NDFIP2: variants seen among roughly 807,000 people sequenced by gnomAD.
NDFIP2 encodes the protein Nedd4 family interacting protein 2.
In NDFIP2, 19 loss-of-function variants were observed where a neutral mutation model predicts 36.0. The observed-to-expected ratio is 0.53, with a 90% CI of 0.37 to 0.77. The LOEUF (loss-of-function observed/expected upper bound fraction) is 0.77. Ranked by LOEUF, NDFIP2 falls within the 30% of genes least tolerant of loss-of-function variation. The probability of loss-of-function intolerance (pLI) is 0.00; values close to 1 mark genes in which losing one functional copy is unlikely to be tolerated. For synonymous variants in NDFIP2, 181 were observed against 167.7 expected (o/e 1.08, Z -0.61); for missense variants, 446 against 435.8 (o/e 1.02, Z -0.21).
At chr13:79,492,666 A>G (rs147613783) in intron 1 of NDFIP2, among the ~76,000 whole-genome samples, 78 of 152,216 alleles carry the variant, frequency 5.1e-4, no homozygotes, top group Middle Eastern at 3.4e-3. Flanking sequence ...GATTACTGAC[A>G]TGAGCCACTG....
intron 2 of NDFIP2, among the ~76,000 whole-genome samples, chr13:79,531,021 T>TA (rs1175331471): frequency 5.9e-5 from 9 of 152,208 alleles, no homozygotes; most frequent in Admixed American, 3.9e-4. Context: ...GCAATCGTCT[T>TA]ATGAAATATA....
chr13:79,499,916 A>G (rs1036822146), intron 1 of NDFIP2, among the ~76,000 whole-genome samples: 1 of 151,996 alleles, frequency 6.6e-6, no homozygotes, highest in African/African-American at 2.4e-5. Context: ...CCAACTCAAT[A>G]TTAAAGGAGA....
intron 2 of NDFIP2, among the ~76,000 whole-genome samples, chr13:79,523,949 T>C (rs1874691069): frequency 6.6e-6 from 1 of 152,220 alleles, no homozygotes; most frequent in African/African-American, 2.4e-5. Flanking sequence ...TTTTATTAAC[T>C]CATTGAAGTA....
chr13:79,509,148 T>A (rs1873979045), intron 1 of NDFIP2, among the ~76,000 whole-genome samples: 1 of 152,196 alleles, frequency 6.6e-6, no homozygotes, highest in Admixed American at 6.5e-5. Context: ...TGACACAGCC[T>A]CAGGAGGTCC....
chr13:79,542,015 A>T (rs1875473418), intron 4 of NDFIP2, among the ~76,000 whole-genome samples: 1 of 152,206 alleles, frequency 6.6e-6, no homozygotes, highest in Admixed American at 6.5e-5. Flanking sequence ...AATGCCTCAG[A>T]TACATGCCTA....
intron 2 of NDFIP2, among the ~76,000 whole-genome samples, chr13:79,522,391 T>G (rs1198315545): frequency 1.3e-5 from 2 of 152,238 alleles, no homozygotes; most frequent in Admixed American, 1.3e-4. Context: ...ATGAGTTGTT[T>G]TCCTACTGAT....
intron 4 of NDFIP2, among the ~76,000 whole-genome samples, chr13:79,541,587 GTTTA>G (rs1875458589): frequency 6.6e-6 from 1 of 151,638 alleles, no homozygotes; most frequent in Non-Finnish European, 1.5e-5. Flanking sequence ...TAGGCCTAGA[GTTTA>G]TTTGCTTGAT....
chr13:79,485,760 C>A (rs1872956717), intron 1 of NDFIP2, among the ~76,000 whole-genome samples: 1 of 152,208 alleles, frequency 6.6e-6, no homozygotes, highest in South Asian at 2.1e-4. Flanking sequence ...ATTCCTGATA[C>A]AGTTAATAAG....
At chr13:79,533,526 A>G (rs934826062) in intron 3 of NDFIP2, 70 bp downstream of exon 3, 8 of 1,398,984 alleles carry the variant, frequency 5.7e-6, no homozygotes, top group Non-Finnish European at 7.6e-6. Context: ...TAGTAATACT[A>G]AAAACAGTTC....
At position 79,488,502 on chromosome 13, in the gene NDFIP2, G is replaced by A. The variant is rs941836725; in HGVS notation, c.321+6978G>A. Among the ~76,000 whole-genome samples the A allele has an allele frequency of 5.3e-5, 8 of 152,220 alleles. No homozygotes were observed. In the East Asian group the frequency reaches 1.4e-3, roughly 26 times the overall value. On this transcript the variant is annotated intron_variant, in intron 1 of 7. Coordinates refer to ENST00000218652, the MANE Select transcript of NDFIP2 (RefSeq NM_019080.3). Reference sequence around the variant, plus strand: ...CTAATACTGGAGTACTATATGTGTAGTGGCAAATAAATGTATTGGAATTGT... The same window carrying A: ...CTAATACTGGAGTACTATATGTGTAATGGCAAATAAATGTATTGGAATTGT...
At chr13:79,522,546 G>A (rs939946971) in intron 2 of NDFIP2, among the ~76,000 whole-genome samples, 7 of 152,182 alleles carry the variant, frequency 4.6e-5, no homozygotes, top group Non-Finnish European at 1.0e-4. Flanking sequence ...TGTTCTGGGA[G>A]TGGACTGGAC....
chr13:79,489,967 C>T (rs2140732671), intron 1 of NDFIP2, among the ~76,000 whole-genome samples: 1 of 152,252 alleles, frequency 6.6e-6, no homozygotes, highest in African/African-American at 2.4e-5. Flanking sequence ...AGTCAATCTC[C>T]CCTTTCTGTA....
chr13:79,538,373 G>A (rs1875325644), intron 3 of NDFIP2, among the ~76,000 whole-genome samples: 1 of 152,030 alleles, frequency 6.6e-6, no homozygotes, highest in South Asian at 2.1e-4. Context: ...AACTCAAAGA[G>A]TCAACAATCC....
chr13:79,511,522 A>G (rs1437520695), intron 1 of NDFIP2, among the ~76,000 whole-genome samples: 11 of 152,188 alleles, frequency 7.2e-5, no homozygotes. Context: ...TTGAATGATG[A>G]AATATTTCAG....
chr13:79,496,303 A>G (rs1873430964), intron 1 of NDFIP2, among the ~76,000 whole-genome samples: 2 of 151,896 alleles, frequency 1.3e-5, no homozygotes, highest in African/African-American at 4.8e-5. Flanking sequence ...TTAAGTGTCT[A>G]GATATATATC....
At chr13:79,526,271 A>G (rs1408682242) in intron 2 of NDFIP2, among the ~76,000 whole-genome samples, 1 of 152,210 alleles carries the variant, frequency 6.6e-6, no homozygotes, top group Non-Finnish European at 1.5e-5. Context: ...TTTTTTGGCC[A>G]TGTTGAATTT....
At chr13:79,482,950 A>G (rs1398298812) in intron 1 of NDFIP2, among the ~76,000 whole-genome samples, 2 of 152,222 alleles carry the variant, frequency 1.3e-5, no homozygotes, top group East Asian at 3.8e-4. Flanking sequence ...AAATAAAATG[A>G]TATAAATATT....
chr13:79,492,364 G>T (rs1353184248), intron 1 of NDFIP2, among the ~76,000 whole-genome samples: 2 of 148,868 alleles, frequency 1.3e-5, no homozygotes, highest in Non-Finnish European at 3.0e-5. Context: ...GACTTTTTGT[G>T]TGATTTCTGT....
At chr13:79,509,736 C>T (rs888013105) in intron 1 of NDFIP2, among the ~76,000 whole-genome samples, 4 of 151,936 alleles carry the variant, frequency 2.6e-5, no homozygotes, top group Admixed American at 2.6e-4. Context: ...ATCACAAGGT[C>T]CCACAGTAGG....
Sources: gnomAD v4.1 joint callset for allele counts (sites outside exome capture counted in the v4.1 genomes callset) on GRCh38, gnomAD v4.1.1 for gene constraint, MANE v1.5 for transcripts, NCBI Gene and HGNC (gene_info 2026-07-23, HGNC 2026-07-21) for gene names.